The following TMEM37 variants were observed in gnomAD, a reference collection of about 807,000 sequenced individuals.
TMEM37 encodes the protein voltage-dependent calcium channel gamma-like subunit.
In TMEM37, 12 loss-of-function variants were observed where a neutral mutation model predicts 11.0. The observed-to-expected ratio is 1.09, with a 90% CI of 0.70 to 1.76. TMEM37 has a LOEUF of 1.76. TMEM37 is among the 40% of genes most tolerant of loss of function. The pLI, the probability that TMEM37 is intolerant of heterozygous loss-of-function variation, is 0.00. For missense variants in TMEM37, 203 were observed against 251.2 expected (o/e 0.81, Z 1.30); for synonymous variants, 127 against 110.5 (o/e 1.15, Z -0.94).
At chr2:119,435,673 G>A (rs1359201818) in intron 1 of TMEM37, among the ~76,000 whole-genome samples, 2 of 152,202 alleles carry the variant, frequency 1.3e-5, no homozygotes, top group East Asian at 3.8e-4. Flanking sequence ...TGTGGGGGTA[G>A]GGGGCGGCCT....
chr2:119,430,418 A>G (rs1312318449), upstream of TMEM37: 1 of 475,340 alleles, frequency 2.1e-6, no homozygotes, highest in Admixed American at 2.3e-5. Flanking sequence ...GTGGAGTCCC[A>G]GCTCTCCAGT....
intron 1 of TMEM37, among the ~76,000 whole-genome samples, chr2:119,436,110 G>A (rs1019975170): frequency 2.0e-5 from 3 of 152,186 alleles, no homozygotes; most frequent in African/African-American, 2.4e-5. Flanking sequence ...TCCTTGAACT[G>A]TGAGATGAGA....
intron 1 of TMEM37, chr2:119,432,263 T>C (rs1396958504): frequency 3.8e-6 from 1 of 264,172 alleles, no homozygotes; most frequent in Non-Finnish European, 7.1e-6. Flanking sequence ...CAGTTTACCA[T>C]AAGGGTCCCC....
At chr2:119,434,183 T>C (rs896680062) in intron 1 of TMEM37, among the ~76,000 whole-genome samples, 2 of 152,198 alleles carry the variant, frequency 1.3e-5, no homozygotes, top group Non-Finnish European at 2.9e-5. Context: ...GCCAGCATGC[T>C]GTCTCGGGTT....
rs1573762244 is a variant in TMEM37, at chr2:119,431,865, T to TGGAG, written c.-38_-35dup. 8 of 1,233,792 alleles carry TGGAG rather than the reference T, an allele frequency of 6.5e-6. No individual in the cohort carries two copies. In the East Asian group the frequency reaches 2.6e-4, roughly 40 times the overall value. 76.4% of individuals were successfully genotyped at this position (1,233,792 alleles called of 1,614,324 possible). On this transcript the variant is annotated 5_prime_UTR_variant, in exon 1 of 2. Transcript: ENST00000306406. ...GCGCCGGCGGCCACAGCGGAGCAGC[T>TGGAG]GGAGCGATCGAGGCTGCAGCGCGGC...
At position 119,432,181 on chromosome 2, in the gene TMEM37, A is replaced by G. The variant is rs1461501635; in HGVS notation, c.21+257A>G. 3 of 365,562 alleles carry G rather than the reference A, an allele frequency of 8.2e-6. No homozygotes were observed. The East Asian group carries it at 1.2e-4, about 14-fold the overall frequency. 22.6% of individuals were successfully genotyped at this position (365,562 alleles called of 1,614,324 possible). On this transcript the variant is annotated intron_variant, in intron 1 of 1. Transcript: ENST00000306406. ...CGGCTGCTTCTGCTCGCGGCCTTGC[A>G]AGCACCCGAGGCTCCCAAACTTCAT...
At position 119,437,806 on chromosome 2, in the gene TMEM37, A is replaced by T; in HGVS notation, c.*366A>T. 1 of 271,590 alleles carries T rather than the reference A, an allele frequency of 3.7e-6. No individual in the cohort carries two copies. Among genetic ancestry groups the T allele is most frequent in the Non-Finnish European group, 6.9e-6 (1 of 144,052 alleles). The allele number at this position is 271,590 out of a possible 1,614,324, so 16.8% of individuals were successfully genotyped here. A position where few individuals can be genotyped will look rare whatever the true frequency, so the allele number is the denominator to read the frequency against. On this transcript the variant is annotated 3_prime_UTR_variant, in exon 2 of 2. Coordinates refer to ENST00000306406, the MANE Select transcript of TMEM37 (RefSeq NM_183240.3). The stretch of plus-strand genomic sequence containing the variant: ...ACCTGAGCTAGCTGCACAGCCAAGG[A>T]TAGTTCATGCCTGTTTCATTGACAC...
Position 119,437,920 on chromosome 2 carries a change from AGGACTTTC to A in TMEM37, c.*481_*488del, listed in dbSNP as rs1414285293. The A allele has an allele frequency of 6.3e-6, 1 of 157,822 alleles. No individual in the cohort carries two copies. Among genetic ancestry groups the A allele is most frequent in the Non-Finnish European group, 1.4e-5 (1 of 72,168 alleles). 9.8% of individuals were successfully genotyped at this position (157,822 alleles called of 1,614,324 possible). ...CCAGCTAAGGGTCCAATCAGTGCCT[AGGACTTTC>A]TTCCACCAGCTCAAAGGGCCTTCGT... is the stretch of plus-strand genomic sequence containing the variant. On this transcript the variant is annotated 3_prime_UTR_variant, in exon 2 of 2. Transcript: ENST00000306406.
upstream of TMEM37, chr2:119,430,356 C>G (rs374323655): frequency 7.5e-5 from 37 of 495,100 alleles, no homozygotes; most frequent in East Asian, 8.0e-4. Context: ...CCAGGTGACT[C>G]TGGTGCAGAA....
intron 1 of TMEM37, among the ~76,000 whole-genome samples, chr2:119,434,983 C>T (rs530108870): frequency 1.7e-4 from 26 of 152,328 alleles, no homozygotes; most frequent in Non-Finnish European, 3.4e-4. Flanking sequence ...ACGGATTCCA[C>T]CTCCTGCATA....
intron 1 of TMEM37, among the ~76,000 whole-genome samples, chr2:119,433,327 A>G (rs1472436882): frequency 6.6e-6 from 1 of 152,248 alleles, no homozygotes; most frequent in Non-Finnish European, 1.5e-5. Flanking sequence ...GTTCTGGGTC[A>G]TGCAGGCAGC....
At position 119,437,466 on chromosome 2, in the gene TMEM37, G is replaced by A; in HGVS notation, c.*26G>A. 6.3e-7 allele frequency: 1 copy of A among 1,592,832 alleles called. No homozygotes were observed. Among genetic ancestry groups the A allele is most frequent in the Non-Finnish European group, 8.6e-7 (1 of 1,169,548 alleles). On this transcript the variant is annotated 3_prime_UTR_variant, in exon 2 of 2. Transcript: ENST00000306406. ...CCGTGGAAATTTTAGGCCCCCTCCA[G>A]GGACATCAGATTCCACAAGAAAATA...
chr2:119,431,895 G>C lies in TMEM37; in HGVS notation c.-9G>C, dbSNP rs541440940. ...CGATCGAGGCTGCAGCGCGGCCGCC[G>C]GGCGCAGCATGACTGCCGTCGGCGT... On this transcript the variant is annotated 5_prime_UTR_variant, in exon 1 of 2. Coordinates refer to ENST00000306406, the MANE Select transcript of TMEM37 (RefSeq NM_183240.3). 3 of 1,226,610 alleles carry C rather than the reference G, an allele frequency of 2.4e-6. No homozygotes were observed. The highest frequency in any genetic ancestry group is 3.1e-5 in the African/African-American group (2 of 63,940). The allele number at this position is 1,226,610 out of a possible 1,614,324, so 76.0% of individuals were successfully genotyped here. A position where few individuals can be genotyped will look rare whatever the true frequency, so the allele number is the denominator to read the frequency against.
chr2:119,431,242 G>A (rs1304425734), upstream of TMEM37, among the ~76,000 whole-genome samples: 1 of 152,194 alleles, frequency 6.6e-6, no homozygotes, highest in Non-Finnish European at 1.5e-5. Flanking sequence ...AGTCCCTGAG[G>A]AGTTCAGGAG....
At position 119,437,590 on chromosome 2, in the gene TMEM37, T is replaced by C; in HGVS notation, c.*150T>C. The C allele has an allele frequency of 8.8e-7, 1 of 1,130,756 alleles. No individual in the cohort carries two copies. The highest frequency in any genetic ancestry group is 1.2e-6 in the Non-Finnish European group (1 of 812,678). 70.0% of individuals were successfully genotyped at this position (1,130,756 alleles called of 1,614,324 possible). ...CTGTTTGCCGATAACTTGTGGGTGG[T>C]CAGCCAGAAATGGCCCGGGGGCCTC... On this transcript the variant is annotated 3_prime_UTR_variant, in exon 2 of 2. Transcript: ENST00000306406.
At chr2:119,434,955 T>A (rs1485612346) in intron 1 of TMEM37, among the ~76,000 whole-genome samples, 1 of 152,110 alleles carries the variant, frequency 6.6e-6, no homozygotes, top group Non-Finnish European at 1.5e-5. Context: ...AAGGCCCTAG[T>A]CAGTATTTAT....
At chr2:119,436,151 A>C (rs1213567757) in intron 1 of TMEM37, among the ~76,000 whole-genome samples, 1 of 152,210 alleles carries the variant, frequency 6.6e-6, no homozygotes, top group African/African-American at 2.4e-5. Flanking sequence ...CTGGCTTGCC[A>C]GGAGACCGGG....
At chr2:119,429,931 C>T, upstream of TMEM37, 1 of 1,550,514 alleles carries the variant, frequency 6.4e-7, no homozygotes, top group Non-Finnish European at 8.7e-7. Context: ...GTGCAGATGA[C>T]CCGACCTGAC....
upstream of TMEM37, chr2:119,430,012 T>C: frequency 6.5e-7 from 1 of 1,541,060 alleles, no homozygotes; most frequent in Non-Finnish European, 8.8e-7. Context: ...GAATCTCACC[T>C]GGGAGAGCCC....
Sources: allele counts gnomAD v4.1 joint callset (sites outside exome capture counted in the v4.1 genomes callset), GRCh38; gene constraint gnomAD v4.1.1; transcripts MANE v1.5; gene names NCBI Gene and HGNC (gene_info 2026-07-23, HGNC 2026-07-21).